UBR3: variants seen among roughly 807,000 people sequenced by gnomAD.
The protein encoded by UBR3 is ubiquitin protein ligase E3 component n-recognin 3, also known as E3 ubiquitin-protein ligase UBR3.
In UBR3, 85 loss-of-function variants were observed where a neutral mutation model predicts 243.2. The observed-to-expected ratio is 0.35, with a 90% CI of 0.29 to 0.42. The LOEUF (loss-of-function observed/expected upper bound fraction) is 0.42. Ranked by LOEUF, UBR3 falls within the 10% of genes least tolerant of loss-of-function variation. The pLI, the probability that UBR3 is intolerant of heterozygous loss-of-function variation, is 1.00. For synonymous variants in UBR3, 748 were observed against 799.8 expected (o/e 0.94, Z 1.09); for missense variants, 1,686 against 2,300.8 (o/e 0.73, Z 5.47).
intron 5 of UBR3, among the ~76,000 whole-genome samples, chr2:169,882,394 AT>A (rs1323399784): frequency 1.5e-4 from 21 of 142,878 alleles, no homozygotes; most frequent in Non-Finnish European, 2.4e-4. Flanking sequence ...ATAAAAATAT[AT>A]ATATATAAAA....
At chr2:170,069,444 T>A (rs954747248) in intron 35 of UBR3, among the ~76,000 whole-genome samples, 2 of 152,142 alleles carry the variant, frequency 1.3e-5, no homozygotes. Context: ...GTTATCTGTT[T>A]TCTGATAACA....
intron 23 of UBR3, among the ~76,000 whole-genome samples, chr2:169,951,529 A>G (rs1314424781): frequency 6.6e-6 from 1 of 152,190 alleles, no homozygotes; most frequent in African/African-American, 2.4e-5. Flanking sequence ...ACATAGTGTA[A>G]CAGATACTAT....
chr2:169,906,107 T>G lies in UBR3; in HGVS notation c.1722T>G (p.Ala574=). Residue 574 remains alanine, a synonymous_variant, in exon 10 of 39, where the codon GCT becomes GCG. Transcript: ENST00000272793. ...ESQTYYAAFA[A]ELEACAQPMW... ...AGACCTACTATGCTGCCTTTGCTGC[T>G]GAACTTGAGGCCTGTGCACAGCCAA... 1 of 1,551,758 alleles carries G rather than the reference T, an allele frequency of 6.4e-7. No individual in the cohort carries two copies. Among genetic ancestry groups the G allele is most frequent in the African/African-American group, 1.4e-5 (1 of 73,182 alleles).
intron 36 of UBR3, among the ~76,000 whole-genome samples, chr2:170,074,937 A>T (rs897231847): frequency 6.6e-6 from 1 of 152,160 alleles, no homozygotes; most frequent in Non-Finnish European, 1.5e-5. Flanking sequence ...TAGAACAATT[A>T]AGTTGTGGGG....
intron 36 of UBR3, among the ~76,000 whole-genome samples, chr2:170,075,852 T>C (rs1263485373): frequency 6.6e-6 from 1 of 151,930 alleles, no homozygotes; most frequent in Admixed American, 6.6e-5. Flanking sequence ...AGATTCTTTG[T>C]TTGGGAACAA....
chr2:169,918,116 A>G (rs946886058), intron 11 of UBR3, among the ~76,000 whole-genome samples: 7 of 152,124 alleles, frequency 4.6e-5, no homozygotes, highest in South Asian at 4.1e-4. Context: ...GTAGCAAGTT[A>G]TGGTACTTCT....
intron 25 of UBR3, 152 bp downstream of exon 25, chr2:169,986,946 C>G: frequency 7.6e-6 from 6 of 793,592 alleles, no homozygotes; most frequent in Non-Finnish European, 7.5e-6. Context: ...GATTCTTTAT[C>G]GGTTATATCT....
intron 20 of UBR3, among the ~76,000 whole-genome samples, chr2:169,943,960 T>C (rs1452423937): frequency 6.6e-6 from 1 of 152,204 alleles, no homozygotes; most frequent in Non-Finnish European, 1.5e-5. Context: ...TACTTGTTTC[T>C]AAAGTTTTCC....
Position 170,055,470 on chromosome 2 carries a change from C to T in UBR3, c.4671C>T (p.Thr1557=). ...MPQPLRKDHF[T]CIVKVLFTLL... Reference sequence around the variant, plus strand: ...TTTTTTCTCTTGCAGACCACTTTACCTGCATTGTGAAGGTACTTTTTACCC... The same window carrying T: ...TTTTTTCTCTTGCAGACCACTTTACTTGCATTGTGAAGGTACTTTTTACCC... The change falls in exon 33 of 39, where the codon ACC becomes ACT. Residue 1557 remains threonine, a synonymous_variant. Coordinates refer to ENST00000272793, the MANE Select transcript of UBR3 (RefSeq NM_172070.4). 1 of 1,612,700 alleles carries T rather than the reference C, an allele frequency of 6.2e-7. No individual in the cohort carries two copies. The highest frequency in any genetic ancestry group is 1.1e-5 in the South Asian group (1 of 90,794).
At chr2:169,930,895 A>G (rs1014862362) in intron 18 of UBR3, among the ~76,000 whole-genome samples, 1 of 152,104 alleles carries the variant, frequency 6.6e-6, no homozygotes, top group Non-Finnish European at 1.5e-5. Context: ...ACTTGCTCCT[A>G]AAGTGGCCCC....
chr2:169,928,908 T>A, intron 18 of UBR3, 40 bp downstream of exon 18: 1 of 1,324,220 alleles, frequency 7.6e-7, no homozygotes, highest in Non-Finnish European at 9.8e-7. Flanking sequence ...CAAATATCAG[T>A]TCTTGAATGG....
In UBR3 at chr2:169,958,490, C is replaced by T. The variant is rs766958660; in HGVS notation, c.3598C>T (p.Arg1200Ter). 2.5e-6 allele frequency: 4 copies of T among 1,612,786 alleles called. No individual in the cohort carries two copies. The highest frequency in any genetic ancestry group is 1.3e-5 in the African/African-American group (1 of 74,838). ...GAAATTGCTTGCGGAGTTTGCTTCA[C>T]GACAGAAAAGCTTTATGGAAACTGC... ...QQKLLAEFAS[R>*]QKSFMETAMD... The change falls in exon 24 of 39, where the codon CGA becomes TGA. Residue 1200 changes from arginine (R) to a stop codon, truncating the protein, a stop_gained. Coordinates refer to ENST00000272793, the MANE Select transcript of UBR3 (RefSeq NM_172070.4). LOFTEE classifies it high-confidence loss of function.
At chr2:170,048,690 G>C (rs1236229229) in intron 32 of UBR3, among the ~76,000 whole-genome samples, 3 of 152,118 alleles carry the variant, frequency 2.0e-5, no homozygotes, top group Non-Finnish European at 4.4e-5. Context: ...TGGCAATTTG[G>C]ATACGCCAAA....
At chr2:169,884,855 T>C (rs1211944742) in intron 5 of UBR3, among the ~76,000 whole-genome samples, 1 of 152,200 alleles carries the variant, frequency 6.6e-6, no homozygotes, top group Non-Finnish European at 1.5e-5. Flanking sequence ...TTTTAACATA[T>C]ATTAAAATGG....
At chr2:169,891,572 GA>G in intron 6 of UBR3, among the ~76,000 whole-genome samples, 1 of 149,496 alleles carries the variant, frequency 6.7e-6, no homozygotes, top group South Asian at 2.1e-4. Flanking sequence ...TTTCTAGAGT[GA>G]AAAAAGACAA....
At chr2:169,995,349 A>G (rs543842970) in intron 26 of UBR3, among the ~76,000 whole-genome samples, 4 of 152,212 alleles carry the variant, frequency 2.6e-5, no homozygotes, top group African/African-American at 7.2e-5. Context: ...GTAAATCGTT[A>G]TCTTGTTTTT....
In UBR3 at chr2:170,073,587, A is replaced by G. The variant is rs181722843; in HGVS notation, c.5179A>G (p.Arg1727Gly). 1.9e-6 allele frequency: 3 copies of G among 1,613,286 alleles called. No individual in the cohort carries two copies. Among genetic ancestry groups the G allele is most frequent in the Admixed American group, 1.7e-5 (1 of 59,934 alleles). ...WCFEIKSFTE[R>G]HAEQGKALLI... ...TTTTGAGATAAAATCATTTACTGAA[A>G]GACATGCAGAACAAGGAAAGGTATG... Residue 1727 changes from arginine (R) to glycine (G), a missense_variant, in exon 36 of 39, where the codon AGA becomes GGA. Around this residue, in one of 8 missense-constraint regions of UBR3, gnomAD observed 371 missense variants for 422.5 expected, o/e 0.88. Coordinates refer to ENST00000272793, the MANE Select transcript of UBR3 (RefSeq NM_172070.4).
chr2:169,875,768 T>TTTTTTTTC, intron 2 of UBR3, 23 bp from the exon 3 acceptor site: 1 of 1,495,806 alleles, frequency 6.7e-7, no homozygotes, highest in Non-Finnish European at 8.9e-7. Flanking sequence ...CCTTATTTGA[T>TTTTTTTTC]TTTTTTTCTT....
intron 32 of UBR3, among the ~76,000 whole-genome samples, chr2:170,051,433 C>G (rs2091214386): frequency 6.6e-6 from 1 of 152,198 alleles, no homozygotes; most frequent in South Asian, 2.1e-4. Flanking sequence ...CAAACGCCAT[C>G]TCTTGGGTTC....
Sources: allele counts gnomAD v4.1 joint callset (sites outside exome capture counted in the v4.1 genomes callset), GRCh38; gene constraint gnomAD v4.1.1; regional missense constraint gnomAD v4.1.1; transcripts MANE v1.5; gene names NCBI Gene and HGNC (gene_info 2026-07-23, HGNC 2026-07-21).